Variants in MTUS2 observed in about 807,000 individuals in gnomAD.
MTUS2 encodes microtubule associated scaffold protein 2.
Under a neutral mutation model 114.1 loss-of-function variants are expected in MTUS2, and 40 were observed. The observed-to-expected ratio is 0.35, with a 90% CI of 0.27 to 0.46. The LOEUF is 0.46. Ranked by LOEUF, MTUS2 falls within the 20% of genes least tolerant of loss-of-function variation. The pLI is 1.00. For synonymous variants in MTUS2, 688 were observed against 672.0 expected, an observed-to-expected ratio of 1.02 and a Z score of -0.37; for missense variants, 1,679 against 1,705.4, an observed-to-expected ratio of 0.98 and a Z score of 0.27.
intron 5 of MTUS2, among the ~76,000 whole-genome samples, chr13:29,237,798 G>A (rs1288719382): frequency 1.3e-5 from 2 of 152,140 alleles, no homozygotes; most frequent in African/African-American, 2.4e-5. Flanking sequence ...CGGCCAACAA[G>A]TATATGAAAG....
At chr13:28,856,722 A>C (rs1382037254) in intron 2 of MTUS2, among the ~76,000 whole-genome samples, 1 of 152,246 alleles carries the variant, frequency 6.6e-6, no homozygotes, top group Non-Finnish European at 1.5e-5. Context: ...ACAAAACTGA[A>C]AATGGCCTAA....
At chr13:29,078,355 C>A (rs1054230261) in intron 4 of MTUS2, among the ~76,000 whole-genome samples, 1 of 152,056 alleles carries the variant, frequency 6.6e-6, no homozygotes, top group Non-Finnish European at 1.5e-5. Context: ...AATAACAGAC[C>A]AAGTTTTCTA....
chr13:29,042,551 T>C (rs1223899399), intron 4 of MTUS2, among the ~76,000 whole-genome samples: 1 of 152,178 alleles, frequency 6.6e-6, no homozygotes, highest in Non-Finnish European at 1.5e-5. Flanking sequence ...GTACCAGTTC[T>C]TCTTTGAAGG....
Position 29,118,390 on chromosome 13 carries a change from C to T in MTUS2, c.2644+17420C>T, listed in dbSNP as rs1481831072. 3.9e-5 allele frequency among the ~76,000 whole-genome samples: 6 copies of T among 152,058 alleles called. No homozygotes were observed. The East Asian group carries it at 7.7e-4, about 20-fold the overall frequency. The stretch of plus-strand genomic sequence containing the variant: ...GAACCTGGCTCTGATGTCCTCATCC[C>T]GTGATGCACAGCAGGGTAAGAGGCA... On this transcript the variant is annotated intron_variant, in intron 5 of 15. Coordinates refer to ENST00000612955, the MANE Select transcript of MTUS2 (RefSeq NM_001033602.4).
intron 5 of MTUS2, among the ~76,000 whole-genome samples, chr13:29,136,957 A>G (rs1475806310): frequency 1.3e-5 from 2 of 152,230 alleles, no homozygotes; most frequent in Non-Finnish European, 2.9e-5. Context: ...CAGTATCAGA[A>G]TGGAATTGAA....
chr13:28,832,328 C>G (rs1185132336), intron 1 of MTUS2, among the ~76,000 whole-genome samples: 1 of 152,012 alleles, frequency 6.6e-6, no homozygotes, highest in Non-Finnish European at 1.5e-5. Flanking sequence ...GTTCCCTGAC[C>G]ACAATGGAAT....
At chr13:29,053,826 T>C (rs557380977) in intron 4 of MTUS2, among the ~76,000 whole-genome samples, 59 of 152,310 alleles carry the variant, frequency 3.9e-4, no homozygotes, top group African/African-American at 1.4e-3. Flanking sequence ...GATAGACATT[T>C]GGGTTATTTT....
At chr13:29,223,641 C>T (rs952906033) in intron 5 of MTUS2, among the ~76,000 whole-genome samples, 5 of 152,212 alleles carry the variant, frequency 3.3e-5, no homozygotes, top group Non-Finnish European at 7.3e-5. Context: ...TCTTCCTGGA[C>T]ATGGGACAAG....
In MTUS2 at chr13:29,026,124, G is replaced by A; in HGVS notation, c.1426G>A (p.Val476Ile). ...SVMVLVFNPS[V>I]GENKTEVPEP... ...TATGGTTTTGGTGTTCAATCCTTCT[G>A]TTGGAGAGAACAAGACGGAGGTGCC... The change falls in exon 3 of 16, where the codon GTT (valine) becomes ATT (isoleucine). Residue 476 changes from valine (V) to isoleucine (I), a missense_variant. By Grantham distance (29) the Val-to-Ile change is conservative. This residue lies in a region of MTUS2 where 843 missense variants were observed against 770.8 expected (regional missense o/e 1.09). Transcript: ENST00000612955. The A allele has an allele frequency of 1.2e-6, 2 of 1,614,018 alleles. No individual in the cohort carries two copies. Among genetic ancestry groups the A allele is most frequent in the Non-Finnish European group, 1.7e-6 (2 of 1,179,894 alleles).
intron 9 of MTUS2, among the ~76,000 whole-genome samples, chr13:29,441,656 G>T (rs555901034): frequency 6.6e-6 from 1 of 152,234 alleles, no homozygotes; most frequent in East Asian, 1.9e-4. Flanking sequence ...ACTCACTGGT[G>T]ACCCTGCCCA....
chr13:29,181,782 A>G (rs1894015385), intron 5 of MTUS2, among the ~76,000 whole-genome samples: 2 of 116,980 alleles, frequency 1.7e-5, no homozygotes, highest in African/African-American at 6.9e-5. Context: ...TATAATTTAT[A>G]TACTACTGTG....
Position 29,503,497 on chromosome 13 carries a change from G to C in MTUS2, c.*291G>C. On this transcript the variant is annotated 3_prime_UTR_variant, in exon 16 of 16. Transcript: ENST00000612955. ...ACTTTCACTGCAGAATTTCAGGTTA[G>C]TTACAAAAAGCTCAGTTTTCAATAT... is the stretch of plus-strand genomic sequence containing the variant. 1 of 538,150 alleles carries C rather than the reference G, an allele frequency of 1.9e-6. No individual in the cohort carries two copies. Among genetic ancestry groups the C allele is most frequent in the Non-Finnish European group, 3.3e-6 (1 of 298,774 alleles). 33.3% of individuals were successfully genotyped at this position (538,150 alleles called of 1,614,324 possible). A position where few individuals can be genotyped will look rare whatever the true frequency, so the allele number is the denominator to read the frequency against.
chr13:28,876,505 T>A (rs1364802089), intron 2 of MTUS2, among the ~76,000 whole-genome samples: 1 of 152,218 alleles, frequency 6.6e-6, no homozygotes, highest in Non-Finnish European at 1.5e-5. Context: ...GCTGCAGCAG[T>A]TCCAAAACTC....
At chr13:29,048,682 C>T (rs1432528534) in intron 4 of MTUS2, among the ~76,000 whole-genome samples, 3 of 152,176 alleles carry the variant, frequency 2.0e-5, no homozygotes, top group Non-Finnish European at 2.9e-5. Context: ...ATTGCCCAGG[C>T]TGATCTCAAA....
intron 4 of MTUS2, among the ~76,000 whole-genome samples, chr13:29,098,707 A>G (rs1566007344): frequency 6.6e-6 from 1 of 152,316 alleles, no homozygotes; most frequent in East Asian, 1.9e-4. Context: ...TTCTTTTTGA[A>G]CATGTTCAGT....
chr13:29,411,593 C>CT (rs1241124872), intron 8 of MTUS2, among the ~76,000 whole-genome samples: 1 of 152,178 alleles, frequency 6.6e-6, no homozygotes, highest in Non-Finnish European at 1.5e-5. Flanking sequence ...ATCAATATGT[C>CT]TAACTCCATA....
intron 5 of MTUS2, among the ~76,000 whole-genome samples, chr13:29,262,843 A>G (rs1220939648): frequency 6.6e-6 from 1 of 152,172 alleles, no homozygotes; most frequent in East Asian, 1.9e-4. Flanking sequence ...ATATGGTGCC[A>G]TCTTGGGTCT....
At chr13:29,109,051 G>A (rs1270788481) in intron 5 of MTUS2, among the ~76,000 whole-genome samples, 2 of 152,048 alleles carry the variant, frequency 1.3e-5, no homozygotes, top group Non-Finnish European at 2.9e-5. Context: ...TCCATAGAAG[G>A]TTAAAACCCC....
At chr13:28,901,384 G>C (rs1879635704) in intron 2 of MTUS2, among the ~76,000 whole-genome samples, 1 of 152,092 alleles carries the variant, frequency 6.6e-6, no homozygotes, top group African/African-American at 2.4e-5. Flanking sequence ...GCAATTTAAT[G>C]TTTTCTTGTA....
Sources: gnomAD v4.1 joint callset for allele counts (sites outside exome capture counted in the v4.1 genomes callset) on GRCh38, gnomAD v4.1.1 for gene constraint, gnomAD v4.1.1 regional missense constraint, MANE v1.5 for transcripts, NCBI Gene and HGNC (gene_info 2026-07-23, HGNC 2026-07-21) for gene names.